The following BET1 variants were observed in gnomAD, a reference collection of about 807,000 sequenced individuals.
BET1 encodes Bet1 golgi vesicular membrane trafficking protein.
Under a neutral mutation model 13.9 loss-of-function variants are expected in BET1, and 9 were observed. The observed-to-expected ratio is 0.65, with a 90% CI of 0.39 to 1.13. The LOEUF (loss-of-function observed/expected upper bound fraction) is 1.13, where lower values mean the gene tolerates loss of function less well. BET1 is among the 50% of genes most tolerant of loss of function. The pLI, the probability that BET1 is intolerant of heterozygous loss-of-function variation, is 0.01. For missense variants in BET1, 127 were observed against 133.6 expected (o/e 0.95, Z 0.24); for synonymous variants, 39 against 47.3 (o/e 0.82, Z 0.72).
At chr7:93,997,385 C>T (rs1178215439) in intron 2 of BET1, among the ~76,000 whole-genome samples, 1 of 152,152 alleles carries the variant, frequency 6.6e-6, no homozygotes, top group Non-Finnish European at 1.5e-5. Flanking sequence ...CACTGTCATT[C>T]ATGCCAAGGA....
intron 1 of BET1, among the ~76,000 whole-genome samples, chr7:94,001,273 ACACT>A (rs1795898718): frequency 6.6e-6 from 1 of 152,208 alleles, no homozygotes; most frequent in Admixed American, 6.5e-5. Context: ...ACTGTAAGGC[ACACT>A]CAATGAATAC....
chr7:94,004,097 T>C (rs1795973931), intron 1 of BET1, 101 bp downstream of exon 1: 1 of 1,560,904 alleles, frequency 6.4e-7, no homozygotes, highest in Non-Finnish European at 8.8e-7. Context: ...TCCTGTTTTT[T>C]GGACCAAATG....
downstream of BET1, among the ~76,000 whole-genome samples, chr7:93,989,202 C>T (rs148155851): frequency 0.013 from 1,900 of 151,556 alleles, 21 homozygotes; most frequent in South Asian, 0.028. Flanking sequence ...TTAGTAGACA[C>T]GGGGTTTCAT....
downstream of BET1, among the ~76,000 whole-genome samples, chr7:93,990,451 T>G (rs575681229): frequency 5.0e-4 from 76 of 152,214 alleles, no homozygotes; most frequent in African/African-American, 1.7e-3. Context: ...TATTAATATC[T>G]GTTGTATATA....
At chr7:93,982,472 G>T (rs1795444343) in intron 4 of BET1, among the ~76,000 whole-genome samples, 1 of 152,112 alleles carries the variant, frequency 6.6e-6, no homozygotes, top group Non-Finnish European at 1.5e-5. Context: ...AGTCCATTGA[G>T]TTTCTACTAT....
At position 94,004,267 on chromosome 7, in the gene BET1, G is replaced by C. The variant is rs1447263205; in HGVS notation, c.-51C>G. The C allele has an allele frequency of 1.9e-6, 3 of 1,613,826 alleles. No individual in the cohort carries two copies. The highest frequency in any genetic ancestry group is 2.2e-5 in the South Asian group (2 of 91,082). ...CGGGTGCGGGGCTTTGGGTGAGTAGGAAACAGCTAGGGGCGACCCGGACCG... is the reference window on the plus strand; with the variant it reads ...CGGGTGCGGGGCTTTGGGTGAGTAGCAAACAGCTAGGGGCGACCCGGACCG... On this transcript the variant is annotated 5_prime_UTR_variant, in exon 1 of 4. Coordinates refer to ENST00000222547, the MANE Select transcript of BET1 (RefSeq NM_005868.6).
chr7:93,995,737 T>C (rs1795753366), intron 3 of BET1, among the ~76,000 whole-genome samples: 1 of 152,178 alleles, frequency 6.6e-6, no homozygotes, highest in Admixed American at 6.5e-5. Context: ...CAGAGAAGCT[T>C]GACATTCAAG....
At chr7:93,991,342 T>C (rs958321381), downstream of BET1, among the ~76,000 whole-genome samples, 11 of 152,204 alleles carry the variant, frequency 7.2e-5, no homozygotes, top group Non-Finnish European at 1.5e-4. Context: ...TCATCTGAAG[T>C]TTCTCTATTA....
chr7:93,967,884 TC>T (rs1185961402), intron 6 of BET1, among the ~76,000 whole-genome samples: 1 of 151,822 alleles, frequency 6.6e-6, no homozygotes, highest in Non-Finnish European at 1.5e-5. Flanking sequence ...TGAGTGTGTT[TC>T]TTTGCCCATA....
chr7:93,995,760 A>T (rs1474339700), intron 3 of BET1, among the ~76,000 whole-genome samples: 1 of 152,234 alleles, frequency 6.6e-6, no homozygotes, highest in Non-Finnish European at 1.5e-5. Flanking sequence ...AAACGTTAAC[A>T]AATGGAAGGG....
chr7:93,965,560 C>T (rs1795159278), exon 7 of BET1: 1 of 151,942 alleles, frequency 6.6e-6, no homozygotes, highest in African/African-American at 2.4e-5. Flanking sequence ...GTTGGAAATA[C>T]AGTTTGTACC....
At chr7:94,003,633 C>T (rs1795964269) in intron 1 of BET1, among the ~76,000 whole-genome samples, 1 of 152,148 alleles carries the variant, frequency 6.6e-6, no homozygotes, top group Non-Finnish European at 1.5e-5. Context: ...AAACCTTAAC[C>T]ACGTTCTACT....
chr7:94,002,983 CTT>C (rs1013690756), intron 1 of BET1, among the ~76,000 whole-genome samples: 24 of 152,174 alleles, frequency 1.6e-4, no homozygotes. Context: ...TATAGCGACA[CTT>C]TGTACTACAA....
chr7:93,973,723 AC>A (rs1368724565), intron 5 of BET1, among the ~76,000 whole-genome samples: 1 of 152,058 alleles, frequency 6.6e-6, no homozygotes, highest in Non-Finnish European at 1.5e-5. Context: ...GAAGGCTGAA[AC>A]ACAAAGGAAT....
At chr7:93,991,114 G>A (rs1795625419), downstream of BET1, among the ~76,000 whole-genome samples, 1 of 152,020 alleles carries the variant, frequency 6.6e-6, no homozygotes, top group African/African-American at 2.4e-5. Flanking sequence ...GGAAAAGAAC[G>A]GAGGAAGCCA....
chr7:93,976,052 A>C, exon 5 of BET1: 1 of 1,277,978 alleles, frequency 7.8e-7, no homozygotes, highest in African/African-American at 1.5e-5. Context: ...AATTAGCAGA[A>C]GTAGGCTTTC....
intron 4 of BET1, among the ~76,000 whole-genome samples, chr7:93,980,393 A>G (rs1795406915): frequency 6.6e-6 from 1 of 152,118 alleles, no homozygotes; most frequent in Admixed American, 6.6e-5. Flanking sequence ...CTCACCAAAA[A>G]CCTAGCAAAT....
chr7:93,965,554 G>A (rs1795159237), exon 7 of BET1: 1 of 151,930 alleles, frequency 6.6e-6, no homozygotes, highest in Non-Finnish European at 1.5e-5. Flanking sequence ...AGAAGTGTTG[G>A]AAATACAGTT....
chr7:93,999,107 TTTATAA>T, intron 2 of BET1, 57 bp downstream of exon 2: 4 of 1,289,604 alleles, frequency 3.1e-6, no homozygotes, highest in Non-Finnish European at 4.2e-6. Context: ...GAATATATAG[TTTATAA>T]TTATATGTAT....
Sources: allele counts gnomAD v4.1 joint callset (sites outside exome capture counted in the v4.1 genomes callset), GRCh38; gene constraint gnomAD v4.1.1; transcripts MANE v1.5; gene names NCBI Gene and HGNC (gene_info 2026-07-23, HGNC 2026-07-21).